Variants in REXO4 observed in about 807,000 individuals in gnomAD.
REXO4 encodes RNA exonuclease 4, also known as REX4 homolog, 3'-5' exonuclease.
Under a neutral mutation model 39.9 loss-of-function variants are expected in REXO4, and 29 were observed. The observed-to-expected ratio is 0.73, with a 90% CI of 0.54 to 0.99. The LOEUF (loss-of-function observed/expected upper bound fraction) is 0.99, where lower values mean the gene tolerates loss of function less well. REXO4 is among the 50% of genes least tolerant of loss of function. The pLI is 0.00. For missense variants in REXO4, 524 were observed against 546.5 expected (o/e 0.96, Z 0.41); for synonymous variants, 184 against 206.2 (o/e 0.89, Z 0.92).
rs1839210270 is a variant in REXO4 at position 133,411,505 on chromosome 9, G to A, written c.911-432C>T. Among the ~76,000 whole-genome samples the A allele has an allele frequency of 1.3e-5, 2 of 152,188 alleles. 1 individual carries two copies. Among genetic ancestry groups the A allele is most frequent in the South Asian group, 4.1e-4 (2 of 4,836 alleles). ...GTAGAGATGTGTTGCCCTAGGCCCT[G>A]GGCTCCAGAGGCAGCCTTGCCTGCT... On this transcript the variant is annotated intron_variant, in intron 4 of 7. Transcript: ENST00000371942.
chr9:133,407,902 G>A (rs1554779309), intron 6 of REXO4, 21 bp from the exon 7 acceptor site: 3 of 1,600,328 alleles, frequency 1.9e-6, no homozygotes, highest in Non-Finnish European at 2.6e-6. Flanking sequence ...GGAAGAGGCG[G>A]GTGGGGGCCT....
At chr9:133,407,957 G>T in intron 6 of REXO4, 76 bp from the exon 7 acceptor site, 1 of 1,188,104 alleles carries the variant, frequency 8.4e-7, no homozygotes, top group Non-Finnish European at 1.2e-6. Context: ...AGCAGGGAGC[G>T]GTTGGCTACT....
Position 133,412,404 on chromosome 9 carries a change from T to C in REXO4, c.805A>G (p.Asn269Asp). 6.2e-7 allele frequency: 1 copy of C among 1,614,112 alleles called. No individual in the cohort carries two copies. The highest frequency in any genetic ancestry group is 8.5e-7 in the Non-Finnish European group (1 of 1,180,024). The change falls in exon 4 of 8, where the codon AAC becomes GAC. Residue 269 changes from asparagine (N) to aspartate (D), a missense_variant. Transcript: ENST00000371942. Reference protein sequence around the residue: ...ESMAARVSIVNQYGKCVYDKY... With the variant: ...ESMAARVSIVDQYGKCVYDKY... ...TCATAAACGCACTTCCCATACTGGT[T>C]CACGATGGACACACGGGCGGCCATG... is the stretch of plus-strand genomic sequence containing the variant.
At position 133,412,945 on chromosome 9, in the gene REXO4, G is replaced by C. The variant is rs782733696; in HGVS notation, c.573-24C>G. 8 of 1,611,158 alleles carry C rather than the reference G, an allele frequency of 5.0e-6. No homozygotes were observed. The South Asian group carries it at 8.8e-5, about 18-fold the overall frequency. On this transcript the variant is annotated intron_variant, in intron 2 of 7. Coordinates refer to ENST00000371942, the MANE Select transcript of REXO4 (RefSeq NM_020385.4). ...CCCTAAAAGGCAAAGATAACAGGCT[G>C]ATCACCAGAAGACCCTAGTGCAACT...
chr9:133,407,106 G>A, intron 7 of REXO4, 34 bp from the exon 8 acceptor site: 2 of 1,609,790 alleles, frequency 1.2e-6, no homozygotes, highest in South Asian at 1.1e-5. Flanking sequence ...CAGGTGACGA[G>A]GCATAGCCGC....
intron 1 of REXO4, 47 bp downstream of exon 1, chr9:133,417,573 C>T: frequency 6.3e-7 from 1 of 1,584,326 alleles, no homozygotes; most frequent in Non-Finnish European, 8.6e-7. Flanking sequence ...TCGCGTTCTG[C>T]GGGAATGAGC....
chr9:133,417,501 C>A (rs782016621), intron 1 of REXO4, 119 bp downstream of exon 1: 1 of 1,062,222 alleles, frequency 9.4e-7, no homozygotes, highest in South Asian at 1.4e-5. Context: ...AAGCTGTTTA[C>A]AAGATTTCGA....
intron 5 of REXO4, among the ~76,000 whole-genome samples, chr9:133,410,099 A>G (rs1374297704): frequency 1.3e-5 from 2 of 152,194 alleles, no homozygotes; most frequent in Non-Finnish European, 2.9e-5. Context: ...GGATCTCTAC[A>G]GTGCCGTCAC....
rs1299645805 is a variant in REXO4 at position 133,414,766 on chromosome 9, T to C, written c.471A>G (p.Lys157=). Residue 157 remains lysine, a synonymous_variant, in exon 2 of 8, where the codon AAA becomes AAG. Coordinates refer to ENST00000371942, the MANE Select transcript of REXO4 (RefSeq NM_020385.4). ...TKASGTEHNK[K]GTKERTNGDI... is the part of the protein sequence containing the mutation. ...CACCATTTGTCCTTTCCTTGGTTCC[T>C]TTCTTATTGTGCTCTGTTCCACTGG... is the stretch of plus-strand genomic sequence containing the variant. 1.2e-6 allele frequency: 2 copies of C among 1,614,084 alleles called. No homozygotes were observed. Among genetic ancestry groups the C allele is most frequent in the Non-Finnish European group, 1.7e-6 (2 of 1,180,038 alleles).
At position 133,417,915 on chromosome 9, in the gene REXO4, A is replaced by G. The variant is rs1240030237; in HGVS notation, c.-71T>C. 4.1e-6 allele frequency: 6 copies of G among 1,450,972 alleles called. No homozygotes were observed. The East Asian group carries it at 1.2e-4, about 28-fold the overall frequency. 89.9% of individuals were successfully genotyped at this position (1,450,972 alleles called of 1,614,324 possible). A position where few individuals can be genotyped will look rare whatever the true frequency, so the allele number is the denominator to read the frequency against. On this transcript the variant is annotated 5_prime_UTR_variant, in exon 1 of 8. Transcript: ENST00000371942. ...GCCTCCCCGGGCCCGGCGCCCTGGCAGCACAAGCGCCTGCCCAGGCCAGGC... is the reference window on the plus strand; with the variant it reads ...GCCTCCCCGGGCCCGGCGCCCTGGCGGCACAAGCGCCTGCCCAGGCCAGGC...
Position 133,417,726 on chromosome 9 carries a change from C to G in REXO4, c.119G>C (p.Ser40Thr). Residue 40 changes from serine (S) to threonine (T), a missense_variant, in exon 1 of 8, where the codon AGC becomes ACC. Ser to Thr is a moderately conservative substitution (Grantham distance 58, BLOSUM62 1). Coordinates refer to ENST00000371942, the MANE Select transcript of REXO4 (RefSeq NM_020385.4). ...KNKKKKRFWK[S>T]KAREVSKKPA... ...CTTCTTGCTTACTTCCCGCGCCTTG[C>G]TTTTCCAAAACCTTTTTTTCTTCTT... 1 of 1,614,106 alleles carries G rather than the reference C, an allele frequency of 6.2e-7. No individual in the cohort carries two copies. Among genetic ancestry groups the G allele is most frequent in the Non-Finnish European group, 8.5e-7 (1 of 1,179,984 alleles).
rs1305566695 is a variant in REXO4, at chr9:133,406,574, A to G, written c.*379T>C. On this transcript the variant is annotated 3_prime_UTR_variant, in exon 8 of 8. Transcript: ENST00000371942. ...AAGGAGGAAAATGTGGCTCCTCGAG[A>G]GGAAGGTGCTGAGCACCTCACCCCA... 8.4e-6 allele frequency: 2 copies of G among 239,304 alleles called. No homozygotes were observed. The highest frequency in any genetic ancestry group is 4.4e-5 in the African/African-American group (2 of 45,636). 14.8% of individuals were successfully genotyped at this position (239,304 alleles called of 1,614,324 possible). A position where few individuals can be genotyped will look rare whatever the true frequency, so the allele number is the denominator to read the frequency against.
intron 1 of REXO4, chr9:133,415,771 T>G (rs1188227746): frequency 6.6e-6 from 1 of 152,240 alleles, no homozygotes; most frequent in Non-Finnish European, 1.5e-5. Flanking sequence ...ATTTTGCTTT[T>G]CTTTCTTGGG....
Position 133,407,706 on chromosome 9 carries a change from C to T in REXO4, c.1149+101G>A, listed in dbSNP as rs1838978166. The T allele has an allele frequency of 3.5e-6, 3 of 854,052 alleles. No individual in the cohort carries two copies. The South Asian group carries it at 5.1e-5, about 15-fold the overall frequency. 52.9% of individuals were successfully genotyped at this position (854,052 alleles called of 1,614,324 possible). On this transcript the variant is annotated intron_variant, in intron 7 of 7. Transcript: ENST00000371942. ...ATAGCCTCGTAGGATAAGTAGGTGC[C>T]CAAGCCCCACCTCCCCCATGTCTGT...
intron 4 of REXO4, among the ~76,000 whole-genome samples, chr9:133,411,578 G>T (rs921103605): frequency 6.6e-6 from 1 of 152,194 alleles, no homozygotes; most frequent in Non-Finnish European, 1.5e-5. Flanking sequence ...CCCGAACAGG[G>T]GTGATTAGAC....
At chr9:133,410,696 C>G (rs1714764874) in intron 5 of REXO4, among the ~76,000 whole-genome samples, 1 of 152,210 alleles carries the variant, frequency 6.6e-6, no homozygotes, top group Admixed American at 6.5e-5. Flanking sequence ...GACATTAGGC[C>G]TTCCTCCAGG....
intron 2 of REXO4, chr9:133,414,262 G>A (rs1241244794): frequency 1.8e-5 from 7 of 387,108 alleles, no homozygotes. Flanking sequence ...TAATCACCAG[G>A]CACTGAGCCA....
chr9:133,408,903 C>T (rs904262061), intron 5 of REXO4, 61 bp from the exon 6 acceptor site: 7 of 966,580 alleles, frequency 7.2e-6, no homozygotes, highest in Non-Finnish European at 9.8e-6. Context: ...GCAGAACCCC[C>T]TCCCCCCGCC....
chr9:133,410,537 T>A (rs1839158402), intron 5 of REXO4, among the ~76,000 whole-genome samples: 1 of 152,172 alleles, frequency 6.6e-6, no homozygotes, highest in South Asian at 2.1e-4. Flanking sequence ...CAGGCGGGAT[T>A]TTCCTCGGGA....
Sources: gnomAD v4.1 joint callset for allele counts (sites outside exome capture counted in the v4.1 genomes callset) on GRCh38, gnomAD v4.1.1 for gene constraint, MANE v1.5 for transcripts, NCBI Gene and HGNC (gene_info 2026-07-23, HGNC 2026-07-21) for gene names.